CUEDC1: variants seen among roughly 807,000 people sequenced by gnomAD.
CUEDC1 encodes CUE domain-containing protein 1.
CUEDC1 carries 30 observed loss-of-function variants against 43.7 expected under a neutral mutation model. The ratio of observed to expected loss-of-function variants is 0.69; its 90% CI spans 0.51 to 0.93. The LOEUF (loss-of-function observed/expected upper bound fraction) is 0.93. Ranked by LOEUF, CUEDC1 falls within the 40% of genes least tolerant of loss-of-function variation. The probability of loss-of-function intolerance (pLI) is 0.00; values close to 1 mark genes in which losing one functional copy is unlikely to be tolerated. For synonymous variants in CUEDC1, 223 were observed against 223.6 expected, an observed-to-expected ratio of 1.00 and a Z score of 0.02; for missense variants, 486 against 549.0, an observed-to-expected ratio of 0.89 and a Z score of 1.15.
intron 1 of CUEDC1, among the ~76,000 whole-genome samples, chr17:57,887,872 AT>A (rs954616285): frequency 6.1e-5 from 7 of 114,748 alleles, no homozygotes; most frequent in Non-Finnish European, 1.3e-4. Flanking sequence ...CTACATCTCG[AT>A]TTTTTCTTTT....
At chr17:57,920,885 C>T (rs1484753138) in intron 1 of CUEDC1, among the ~76,000 whole-genome samples, 1 of 151,936 alleles carries the variant, frequency 6.6e-6, no homozygotes, top group Non-Finnish European at 1.5e-5. Context: ...GATCTGCCCG[C>T]TTCATCCTCC....
rs150232485 is a variant in CUEDC1 at position 57,870,651 on chromosome 17, C to T, written c.868+635G>A. ...AAGACTTATGAGTCTCTGAGCCCCA[C>T]CACGGGGCATTTTGGGGTCCTTTTC... On this transcript the variant is annotated intron_variant, in intron 6 of 10. Coordinates refer to ENST00000577830, the MANE Select transcript of CUEDC1 (RefSeq NM_001271875.2). Among the ~76,000 whole-genome samples, 577 of 151,874 alleles carry T rather than the reference C, an allele frequency of 3.8e-3. 3 individuals carry two copies. The highest frequency in any genetic ancestry group is 0.013 in the African/African-American group (539 of 41,370).
At chr17:57,885,183 T>A (rs895111752) in intron 2 of CUEDC1, 46 bp downstream of exon 2, 4 of 1,502,910 alleles carry the variant, frequency 2.7e-6, no homozygotes, top group Non-Finnish European at 3.6e-6. Context: ...TCCGGGGGGA[T>A]GCTGTCCTCC....
intron 1 of CUEDC1, among the ~76,000 whole-genome samples, chr17:57,893,671 T>C (rs1214240112): frequency 6.6e-6 from 1 of 152,120 alleles, no homozygotes; most frequent in East Asian, 1.9e-4. Context: ...GGCACAGCCA[T>C]TGGAGAAAAG....
At chr17:57,868,324 G>T in intron 7 of CUEDC1, 81 bp from the exon 8 acceptor site, 1 of 1,297,034 alleles carries the variant, frequency 7.7e-7, no homozygotes, top group Non-Finnish European at 1.1e-6. Flanking sequence ...GGAAAGGCCA[G>T]GGGAGGACCA....
intron 1 of CUEDC1, among the ~76,000 whole-genome samples, chr17:57,926,705 G>A (rs537082923): frequency 1.1e-3 from 172 of 152,316 alleles, no homozygotes; most frequent in Non-Finnish European, 1.8e-3. Context: ...TAAGATGCAC[G>A]GGAAGTCATT....
intron 2 of CUEDC1, among the ~76,000 whole-genome samples, chr17:57,883,511 G>A (rs2074244295): frequency 6.6e-6 from 1 of 152,168 alleles, no homozygotes; most frequent in African/African-American, 2.4e-5. Flanking sequence ...ATCACCTGAG[G>A]TCAGGAGTTC....
chr17:57,893,971 G>A (rs1473502294), intron 1 of CUEDC1, among the ~76,000 whole-genome samples: 1 of 152,212 alleles, frequency 6.6e-6, no homozygotes, highest in African/African-American at 2.4e-5. Flanking sequence ...GTGGGTGCCT[G>A]TAATTCCAGC....
chr17:57,885,778 C>A lies in CUEDC1; in HGVS notation c.-214G>T. ...CCCAGGCAGCCCTTGGAGAGCGGTC[C>A]TCGCGGGGCGGTGGCATGCGGGACC... On this transcript the variant is annotated 5_prime_UTR_variant, in exon 2 of 11. It adds an upstream start codon to the 5' untranslated region. Coordinates refer to ENST00000577830, the MANE Select transcript of CUEDC1 (RefSeq NM_001271875.2). 1 of 621,500 alleles carries A rather than the reference C, an allele frequency of 1.6e-6. No individual in the cohort carries two copies. The highest frequency in any genetic ancestry group is 2.3e-6 in the Non-Finnish European group (1 of 431,556). 38.5% of individuals were successfully genotyped at this position (621,500 alleles called of 1,614,324 possible). A position where few individuals can be genotyped will look rare whatever the true frequency, so the allele number is the denominator to read the frequency against.
At chr17:57,928,727 G>A (rs1363510147) in intron 1 of CUEDC1, among the ~76,000 whole-genome samples, 5 of 148,644 alleles carry the variant, frequency 3.4e-5, no homozygotes, top group Admixed American at 6.9e-5. Context: ...AGAATATACT[G>A]GCATTCGAGA....
chr17:57,887,098 G>T (rs1021649702), intron 1 of CUEDC1, among the ~76,000 whole-genome samples: 2 of 152,126 alleles, frequency 1.3e-5, no homozygotes, highest in East Asian at 3.9e-4. Flanking sequence ...TGGGATTACA[G>T]GCGTGAGCCA....
At chr17:57,946,201 C>T (rs1567727301) in intron 1 of CUEDC1, among the ~76,000 whole-genome samples, 1 of 152,130 alleles carries the variant, frequency 6.6e-6, no homozygotes, top group Non-Finnish European at 1.5e-5. Context: ...CTTAACGACC[C>T]ACAACCTCAG....
At chr17:57,948,026 A>G (rs936714870) in intron 1 of CUEDC1, among the ~76,000 whole-genome samples, 2 of 152,172 alleles carry the variant, frequency 1.3e-5, no homozygotes, top group Non-Finnish European at 2.9e-5. Context: ...TATGAAAAAA[A>G]GCCTACTGTC....
chr17:57,923,271 C>T (rs2074714827), intron 1 of CUEDC1, among the ~76,000 whole-genome samples: 1 of 152,164 alleles, frequency 6.6e-6, no homozygotes, highest in Admixed American at 6.5e-5. Context: ...GAGTGCACTG[C>T]CTCCTGGAAG....
At chr17:57,876,036 C>T (rs1178442645) in intron 3 of CUEDC1, among the ~76,000 whole-genome samples, 2 of 152,150 alleles carry the variant, frequency 1.3e-5, no homozygotes, top group African/African-American at 4.8e-5. Flanking sequence ...AACTCTGCCC[C>T]ATCTGCAGGT....
chr17:57,932,207 G>T (rs1174874470), intron 1 of CUEDC1, among the ~76,000 whole-genome samples: 1 of 151,116 alleles, frequency 6.6e-6, no homozygotes, highest in Non-Finnish European at 1.5e-5. Flanking sequence ...TCTTGAACCC[G>T]GGAGGTGGAG....
chr17:57,885,671 C>T lies in CUEDC1; in HGVS notation c.-107G>A. ...TTGCCCTGCGGTCTCGGGCAGCTCACTCCTGCGCCTCCTCCTCCCCGGGTA... is the reference window on the plus strand; with the variant it reads ...TTGCCCTGCGGTCTCGGGCAGCTCATTCCTGCGCCTCCTCCTCCCCGGGTA... On this transcript the variant is annotated 5_prime_UTR_variant, in exon 2 of 11. In the 5' UTR this introduces an upstream ATG that the reference lacks. Transcript: ENST00000577830. The T allele has an allele frequency of 7.7e-7, 1 of 1,307,090 alleles. No homozygotes were observed. Among genetic ancestry groups the T allele is most frequent in the Non-Finnish European group, 9.7e-7 (1 of 1,031,890 alleles). The allele number at this position is 1,307,090 out of a possible 1,614,324, so 81.0% of individuals were successfully genotyped here.
At chr17:57,863,837 C>A (rs1333989440) in intron 10 of CUEDC1, among the ~76,000 whole-genome samples, 1 of 151,774 alleles carries the variant, frequency 6.6e-6, no homozygotes, top group Admixed American at 6.6e-5. Context: ...CCCGTCTCTA[C>A]TAAAAATACA....
chr17:57,874,720 C>G (rs559927637), intron 3 of CUEDC1, among the ~76,000 whole-genome samples: 1 of 152,170 alleles, frequency 6.6e-6, no homozygotes, highest in Non-Finnish European at 1.5e-5. Flanking sequence ...GGGGGCTGCT[C>G]TAGCTCTCGG....
Sources: gnomAD v4.1 joint callset for allele counts (sites outside exome capture counted in the v4.1 genomes callset) on GRCh38, gnomAD v4.1.1 for gene constraint, MANE v1.5 for transcripts, NCBI Gene and HGNC (gene_info 2026-07-23, HGNC 2026-07-21) for gene names.